The following ZNF385D variants were observed in gnomAD, a reference collection of about 807,000 sequenced individuals.
The protein encoded by ZNF385D is zinc finger protein 385D.
A neutral mutation model predicts 35.8 loss-of-function variants in ZNF385D; 15 were observed. The observed-to-expected ratio is 0.42, with a 90% CI of 0.28 to 0.64. ZNF385D has a LOEUF of 0.64. Among genes scored for constraint, ZNF385D ranks in the 30% least tolerant of loss-of-function variants. ZNF385D has a pLI of 0.23. For synonymous variants in ZNF385D, 212 were observed against 186.8 expected (o/e 1.13, Z -1.10); for missense variants, 474 against 494.6 (o/e 0.96, Z 0.39).
chr3:21,971,214 C>G (rs537967533), intron 3 of ZNF385D, among the ~76,000 whole-genome samples: 1 of 151,848 alleles, frequency 6.6e-6, no homozygotes, highest in Admixed American at 6.6e-5. Flanking sequence ...TACTCATACC[C>G]AGAATAGAAA....
intron 2 of ZNF385D, among the ~76,000 whole-genome samples, chr3:21,590,017 T>G (rs1167744703): frequency 6.6e-6 from 1 of 152,146 alleles, no homozygotes; most frequent in Non-Finnish European, 1.5e-5. Context: ...CTGTAAAGAC[T>G]CATGCAGCTG....
chr3:22,032,676 C>A (rs1354658574), intron 3 of ZNF385D, among the ~76,000 whole-genome samples: 1 of 152,116 alleles, frequency 6.6e-6, no homozygotes, highest in African/African-American at 2.4e-5. Context: ...AAGTACTAAA[C>A]AATTAAATAA....
Position 21,768,936 on chromosome 3 carries a change from G to A in ZNF385D, c.326-103908C>T, listed in dbSNP as rs145051220. On this transcript the variant is annotated intron_variant, in intron 3 of 5. Coordinates refer to the ZNF385D transcript ENST00000494108. ...ACTAAATAAATGGGAAATTTAGAAAGTTGACTGTGCATTCCCAGGGAAAGT... is the reference window on the plus strand; with the variant it reads ...ACTAAATAAATGGGAAATTTAGAAAATTGACTGTGCATTCCCAGGGAAAGT... Among the ~76,000 whole-genome samples the A allele has an allele frequency of 6.5e-3, 986 of 152,128 alleles. 42 individuals carry two copies. Among genetic ancestry groups the A allele is most frequent in the Admixed American group, 0.057 (867 of 15,240 alleles).
At chr3:21,960,845 G>A (rs1702547438) in intron 3 of ZNF385D, among the ~76,000 whole-genome samples, 1 of 152,118 alleles carries the variant, frequency 6.6e-6, no homozygotes, top group Non-Finnish European at 1.5e-5. Context: ...AATACTGTAT[G>A]TTCTCGCTCA....
chr3:21,825,550 T>C (rs1031934845), intron 3 of ZNF385D, among the ~76,000 whole-genome samples: 4 of 152,152 alleles, frequency 2.6e-5, no homozygotes, highest in East Asian at 1.9e-4. Flanking sequence ...GTGAATGACA[T>C]AGGCCCTAAA....
chr3:22,194,656 C>CCTACAA, intron 2 of ZNF385D, among the ~76,000 whole-genome samples: 2 of 151,824 alleles, frequency 1.3e-5, no homozygotes, highest in African/African-American at 4.8e-5. Flanking sequence ...TTGTGTTATT[C>CCTACAA]ATTTGTAGGC....
intron 2 of ZNF385D, among the ~76,000 whole-genome samples, chr3:22,195,563 T>C (rs1405221530): frequency 6.6e-6 from 1 of 152,032 alleles, no homozygotes; most frequent in Non-Finnish European, 1.5e-5. Context: ...TTTTACATTT[T>C]GAAATCTGTG....
intron 3 of ZNF385D, among the ~76,000 whole-genome samples, chr3:22,000,776 C>T (rs970839992): frequency 1.3e-5 from 2 of 151,712 alleles, no homozygotes; most frequent in Admixed American, 6.6e-5. Flanking sequence ...AAAAAAAACC[C>T]GTTAATGAAG....
In ZNF385D at chr3:22,125,891, C is replaced by G. The variant is rs112112245; in HGVS notation, c.325+42926G>C. On this transcript the variant is annotated intron_variant, in intron 3 of 5. Coordinates refer to the ZNF385D transcript ENST00000494108. ...ATAATTTGACTTCTTCGTTTACAAC[C>G]TGGATGTCTCATTTCTTTCTCTTCC... 2.6e-5 allele frequency among the ~76,000 whole-genome samples: 4 copies of G among 152,178 alleles called. No individual in the cohort carries two copies. In the East Asian group the frequency reaches 5.8e-4, roughly 22 times the overall value.
chr3:21,867,544 G>T (rs1241616297), intron 3 of ZNF385D, among the ~76,000 whole-genome samples: 1 of 152,078 alleles, frequency 6.6e-6, no homozygotes, highest in Non-Finnish European at 1.5e-5. Flanking sequence ...TGTCAAGATT[G>T]CGTCTTGATT....
chr3:21,593,744 G>T (rs993208933), intron 2 of ZNF385D, among the ~76,000 whole-genome samples: 2 of 150,736 alleles, frequency 1.3e-5, no homozygotes, highest in African/African-American at 4.9e-5. Flanking sequence ...CAACAGGAAA[G>T]AAAATGTAAT....
intron 3 of ZNF385D, among the ~76,000 whole-genome samples, chr3:22,027,459 C>G (rs915126298): frequency 3.3e-5 from 5 of 152,164 alleles, no homozygotes; most frequent in African/African-American, 1.2e-4. Context: ...TGGCAGGTCC[C>G]CATTGATGAA....
chr3:21,819,513 T>C (rs1269019745), intron 3 of ZNF385D, among the ~76,000 whole-genome samples: 3 of 150,756 alleles, frequency 2.0e-5, no homozygotes, highest in East Asian at 1.9e-4. Flanking sequence ...AAATTTAGTA[T>C]GGCTAAAAAT....
intron 3 of ZNF385D, among the ~76,000 whole-genome samples, chr3:21,887,287 C>T (rs932414619): frequency 6.6e-6 from 1 of 152,120 alleles, no homozygotes; most frequent in African/African-American, 2.4e-5. Context: ...TAATTATCTA[C>T]TACCAATAAT....
At chr3:21,520,054 C>T (rs745706561) in intron 3 of ZNF385D, among the ~76,000 whole-genome samples, 5 of 152,318 alleles carry the variant, frequency 3.3e-5, no homozygotes, top group Admixed American at 2.0e-4. Flanking sequence ...CTCTCTAGCA[C>T]GTGTAGTGTA....
At chr3:22,334,960 A>G (rs930805862) in intron 2 of ZNF385D, among the ~76,000 whole-genome samples, 1 of 152,184 alleles carries the variant, frequency 6.6e-6, no homozygotes, top group Non-Finnish European at 1.5e-5. Flanking sequence ...CATAATGAGA[A>G]TATTCCTTGT....
intron 2 of ZNF385D, among the ~76,000 whole-genome samples, chr3:22,210,124 T>C (rs1362621293): frequency 2.0e-5 from 3 of 151,744 alleles, no homozygotes; most frequent in South Asian, 2.1e-4. Context: ...CAGGAAAAGA[T>C]TGTGTGGAAG....
intron 3 of ZNF385D, among the ~76,000 whole-genome samples, chr3:21,981,780 T>C (rs891416454): frequency 1.3e-5 from 2 of 152,200 alleles, no homozygotes; most frequent in Non-Finnish European, 2.9e-5. Flanking sequence ...CTTCTGCTTA[T>C]GGCTAGTCAG....
intron 3 of ZNF385D, among the ~76,000 whole-genome samples, chr3:21,847,921 C>A (rs1419312458): frequency 4.6e-5 from 7 of 151,990 alleles, no homozygotes; most frequent in African/African-American, 1.4e-4. Flanking sequence ...TGTCGTGCAG[C>A]AGATACCTAG....
Sources: gnomAD v4.1 joint callset for allele counts (sites outside exome capture counted in the v4.1 genomes callset) on GRCh38, gnomAD v4.1.1 for gene constraint, MANE v1.5 for transcripts, NCBI Gene and HGNC (gene_info 2026-07-23, HGNC 2026-07-21) for gene names.